AFF2: variants seen among roughly 807,000 people sequenced by gnomAD.
AFF2 encodes ALF transcription elongation factor 2, also known as AF4/FMR2 family member 2.
In AFF2, 14 loss-of-function variants were observed where a neutral mutation model predicts 76.9. That is an observed-to-expected ratio of 0.18 (90% CI 0.12 to 0.28). AFF2 has a LOEUF of 0.28. Ranked by LOEUF, AFF2 falls within the 10% of genes least tolerant of loss-of-function variation. The pLI, the probability that AFF2 is intolerant of heterozygous loss-of-function variation, is 1.00. For missense variants in AFF2, 868 were observed against 1,001.1 expected, an observed-to-expected ratio of 0.87 and a Z score of 1.79; for synonymous variants, 398 against 366.7, an observed-to-expected ratio of 1.09 and a Z score of -0.98.
intron 1 of AFF2, among the ~76,000 whole-genome samples, chrX:148,646,068 A>T (rs921706350): frequency 2.0e-4 from 22 of 112,238 alleles, no homozygotes; most frequent in Non-Finnish European, 3.9e-4. Context: ...ATGTATATGA[A>T]GTATCTAGAA....
chrX:148,704,590 G>A lies in AFF2; in HGVS notation c.1041+41822G>A, dbSNP rs782779323. ...CGTGCAGGCTGGAGTGCAGTGGCACGATCTCAGCTCACTGCAACCTCCACT... is the reference window on the plus strand; with the variant it reads ...CGTGCAGGCTGGAGTGCAGTGGCACAATCTCAGCTCACTGCAACCTCCACT... On this transcript the variant is annotated intron_variant, in intron 3 of 20. Transcript: ENST00000370460. Among the ~76,000 whole-genome samples the A allele has an allele frequency of 1.7e-3, 175 of 103,079 alleles. 1 individual carries two copies. The highest frequency in any genetic ancestry group is 6.1e-3 in the African/African-American group (174 of 28,458). 89.5% of individuals were successfully genotyped at this position (103,079 alleles called of 115,157 possible). A position where few individuals can be genotyped will look rare whatever the true frequency, so the allele number is the denominator to read the frequency against.
At chrX:148,752,208 C>T in intron 3 of AFF2, among the ~76,000 whole-genome samples, 1 of 111,774 alleles carries the variant, frequency 8.9e-6, no homozygotes, top group Middle Eastern at 4.6e-3. Flanking sequence ...TTCCCACTGC[C>T]AGGAATACCA....
intron 1 of AFF2, among the ~76,000 whole-genome samples, chrX:148,585,267 G>A (rs921652500): frequency 5.4e-5 from 6 of 111,742 alleles, no homozygotes; most frequent in Non-Finnish European, 1.1e-4. Context: ...CGGTTTTGAT[G>A]AAAGAGCTAG....
intron 1 of AFF2, among the ~76,000 whole-genome samples, chrX:148,598,699 A>G (rs1557247663): frequency 1.8e-5 from 2 of 112,360 alleles, no homozygotes; most frequent in Admixed American, 9.4e-5. Flanking sequence ...CAAACAATAC[A>G]GAGTAGAGAT....
rs17278478 is a variant in AFF2 at position 148,708,996 on chromosome X, C to T, written c.1041+46228C>T. Among the ~76,000 whole-genome samples the T allele has an allele frequency of 7.4e-4, 83 of 111,429 alleles. No homozygotes were observed. The East Asian group carries it at 0.019, about 26-fold the overall frequency. Reference sequence around the variant, plus strand: ...TCGTTACCATTGTACTTTAACCTGACGGAATGACTGATCTCTTTGTATTAG... The same window carrying T: ...TCGTTACCATTGTACTTTAACCTGATGGAATGACTGATCTCTTTGTATTAG... On this transcript the variant is annotated intron_variant, in intron 3 of 20. Transcript: ENST00000370460.
chrX:148,824,696 C>T (rs1326290984), intron 4 of AFF2, among the ~76,000 whole-genome samples: 1 of 111,767 alleles, frequency 8.9e-6, no homozygotes, highest in African/African-American at 3.3e-5. Context: ...GTGACCCTCA[C>T]ACTTGCCATT....
chrX:148,612,089 C>A (rs1367846479), intron 1 of AFF2, among the ~76,000 whole-genome samples: 6 of 111,798 alleles, frequency 5.4e-5, no homozygotes, highest in African/African-American at 2.0e-4. Context: ...TCTTAGGAAA[C>A]CCCCTCAGTC....
intron 3 of AFF2, among the ~76,000 whole-genome samples, chrX:148,667,156 G>A (rs1407669046): frequency 8.9e-6 from 1 of 112,388 alleles, no homozygotes; most frequent in African/African-American, 3.2e-5. Flanking sequence ...AATAGAAATG[G>A]TGTGGGATTT....
intron 3 of AFF2, among the ~76,000 whole-genome samples, chrX:148,742,258 A>G (rs781999787): frequency 8.9e-6 from 1 of 112,209 alleles, no homozygotes; most frequent in African/African-American, 3.2e-5. Context: ...TTAATCTTTT[A>G]TATATTAAAA....
intron 3 of AFF2, among the ~76,000 whole-genome samples, chrX:148,727,585 G>C (rs893085425): frequency 6.4e-5 from 7 of 109,698 alleles, no homozygotes; most frequent in African/African-American, 2.4e-4. Context: ...GTCCTCTGAG[G>C]TTGGCATTCT....
In AFF2 at chrX:148,738,234, A is replaced by T. The variant is rs2055308810; in HGVS notation, c.1042-71642A>T. On this transcript the variant is annotated intron_variant, in intron 3 of 20. Transcript: ENST00000370460. The stretch of plus-strand genomic sequence containing the variant: ...AATGTCTGGTAGAATTCTGCTGTGA[A>T]TCCGTCTGGTCCTGGACTTTTTTTT... Among the ~76,000 whole-genome samples, 3 of 111,148 alleles carry T rather than the reference A, an allele frequency of 2.7e-5. 1 individual carries two copies. Among genetic ancestry groups the T allele is most frequent in the Admixed American group, 9.6e-5 (1 of 10,467 alleles).
chrX:148,803,063 G>A (rs945241333), intron 3 of AFF2, among the ~76,000 whole-genome samples: 14 of 111,364 alleles, frequency 1.3e-4, no homozygotes, highest in African/African-American at 4.3e-4. Flanking sequence ...ATCCTAAATG[G>A]TCTTTGGTTG....
chrX:148,909,219 AGATCCATTGACAGGGCATT>A lies in AFF2; in HGVS notation c.1397+4965_1397+4983del, dbSNP rs2071442884. ...TACCTTTGAAAATCATATGGATATG[AGATCCATTGACAGGGCATT>A]GATGCCTCAGAAACAAATGAACACA... On this transcript the variant is annotated intron_variant, in intron 9 of 20. Coordinates refer to ENST00000370460, the MANE Select transcript of AFF2 (RefSeq NM_002025.4). 2.7e-5 allele frequency among the ~76,000 whole-genome samples: 3 copies of A among 112,345 alleles called. No homozygotes were observed. In the South Asian group the frequency reaches 1.1e-3, roughly 42 times the overall value.
intron 1 of AFF2, among the ~76,000 whole-genome samples, chrX:148,630,985 A>G (rs140807129): frequency 0.012 from 1,391 of 112,326 alleles, 26 homozygotes; most frequent in African/African-American, 0.043. Context: ...TCCACCTGTC[A>G]TAGTGATTCT....
intron 1 of AFF2, among the ~76,000 whole-genome samples, chrX:148,637,885 T>C (rs1211057155): frequency 1.8e-5 from 2 of 111,175 alleles, no homozygotes; most frequent in Admixed American, 1.9e-4. Context: ...CTCCTTTGGA[T>C]AACTGGGGTT....
At chrX:148,616,428 T>C (rs2053801947) in intron 1 of AFF2, among the ~76,000 whole-genome samples, 1 of 111,782 alleles carries the variant, frequency 8.9e-6, no homozygotes, top group Non-Finnish European at 1.9e-5. Context: ...TAACAGTTGA[T>C]GAATATTATT....
intron 3 of AFF2, among the ~76,000 whole-genome samples, chrX:148,779,929 T>C (rs2069720019): frequency 1.8e-5 from 2 of 112,240 alleles, no homozygotes; most frequent in African/African-American, 3.2e-5. Context: ...GGAGCTCTTG[T>C]AAGGCAGGCC....
Position 148,872,662 on chromosome X carries a change from G to A in AFF2, c.1263-13227G>A, listed in dbSNP as rs1251628166. Among the ~76,000 whole-genome samples, 4 of 112,017 alleles carry A rather than the reference G, an allele frequency of 3.6e-5. No individual in the cohort carries two copies. In the Admixed American group the frequency reaches 3.8e-4, roughly 11 times the overall value. On this transcript the variant is annotated intron_variant, in intron 7 of 20. Transcript: ENST00000370460. ...GGGCTGCTATAACAAGAATCCCATA[G>A]GCTGGGTGGCTTAAACAACAAACAC...
intron 7 of AFF2, among the ~76,000 whole-genome samples, chrX:148,845,370 C>T (rs782428274): frequency 4.2e-4 from 47 of 111,756 alleles, no homozygotes; most frequent in African/African-American, 1.2e-3. Flanking sequence ...GGCTGCATTT[C>T]CAGAGAACAG....
Sources: gnomAD v4.1 joint callset for allele counts (sites outside exome capture counted in the v4.1 genomes callset) on GRCh38, gnomAD v4.1.1 for gene constraint, MANE v1.5 for transcripts, NCBI Gene and HGNC (gene_info 2026-07-23, HGNC 2026-07-21) for gene names.